PTPRG: variants seen among roughly 807,000 people sequenced by gnomAD.
PTPRG encodes protein tyrosine phosphatase receptor type G, also known as receptor-type tyrosine-protein phosphatase gamma.
A neutral mutation model predicts 165.3 loss-of-function variants in PTPRG; 102 were observed. The ratio of observed to expected loss-of-function variants is 0.62; its 90% CI spans 0.53 to 0.73. The LOEUF (loss-of-function observed/expected upper bound fraction) is 0.73. PTPRG is among the 30% of genes least tolerant of loss of function. PTPRG has a pLI of 0.00. For synonymous variants in PTPRG, 675 were observed against 669.5 expected (o/e 1.01, Z -0.13); for missense variants, 1,866 against 1,861.4 (o/e 1.00, Z -0.05).
chr3:61,785,732 C>A (rs1364914236), intron 2 of PTPRG, among the ~76,000 whole-genome samples: 3 of 152,100 alleles, frequency 2.0e-5, no homozygotes, highest in Non-Finnish European at 4.4e-5. Context: ...AGTATAAAAT[C>A]TTTATATACA....
At chr3:62,090,840 G>C (rs1461672607) in intron 5 of PTPRG, among the ~76,000 whole-genome samples, 2 of 152,152 alleles carry the variant, frequency 1.3e-5, no homozygotes, top group African/African-American at 4.8e-5. Flanking sequence ...ATCCATGTCT[G>C]AGGTGTTGGA....
At chr3:62,152,128 G>A (rs1047092344) in intron 6 of PTPRG, among the ~76,000 whole-genome samples, 4 of 152,102 alleles carry the variant, frequency 2.6e-5, no homozygotes, top group Admixed American at 1.3e-4. Flanking sequence ...CACTTTGGGA[G>A]GCTGGGGCTG....
chr3:62,060,211 CAAAAAA>C (rs3068431), intron 4 of PTPRG, among the ~76,000 whole-genome samples: 34 of 131,448 alleles, frequency 2.6e-4, no homozygotes, highest in Non-Finnish European at 2.7e-4. Context: ...GACCCTGTCT[CAAAAAA>C]AAAAAAAAAA....
At chr3:61,748,464 T>C (rs1460557935) in intron 1 of PTPRG, among the ~76,000 whole-genome samples, 1 of 152,206 alleles carries the variant, frequency 6.6e-6, no homozygotes, top group East Asian at 1.9e-4. Flanking sequence ...ATACATGCAG[T>C]TGGAACCGAA....
At chr3:62,025,476 A>C (rs2107769750) in intron 4 of PTPRG, among the ~76,000 whole-genome samples, 2 of 152,108 alleles carry the variant, frequency 1.3e-5, no homozygotes, top group Middle Eastern at 6.8e-3. Context: ...TACTTTTCTT[A>C]TTTTACAGTA....
At chr3:62,079,061 A>T (rs185000279) in intron 5 of PTPRG, among the ~76,000 whole-genome samples, 1 of 152,240 alleles carries the variant, frequency 6.6e-6, no homozygotes, top group Non-Finnish European at 1.5e-5. Flanking sequence ...TTGGAAAATG[A>T]AGTCTTTTTG....
chr3:61,716,684 A>G (rs979157378), intron 1 of PTPRG, among the ~76,000 whole-genome samples: 1 of 152,152 alleles, frequency 6.6e-6, no homozygotes, highest in Non-Finnish European at 1.5e-5. Flanking sequence ...TTTAAATAAA[A>G]ACTCCCAGCT....
chr3:62,146,121 G>A (rs898709902), intron 6 of PTPRG, among the ~76,000 whole-genome samples: 1 of 152,160 alleles, frequency 6.6e-6, no homozygotes, highest in African/African-American at 2.4e-5. Context: ...TTTTGTCACT[G>A]TATGACTCTA....
chr3:62,158,980 A>G (rs1191219451), intron 7 of PTPRG, among the ~76,000 whole-genome samples: 1 of 151,488 alleles, frequency 6.6e-6, no homozygotes, highest in Non-Finnish European at 1.5e-5. Flanking sequence ...GGTGGAAGGA[A>G]TTTTTTTTTC....
At chr3:62,000,057 C>G (rs982635640) in intron 3 of PTPRG, among the ~76,000 whole-genome samples, 1 of 152,082 alleles carries the variant, frequency 6.6e-6, no homozygotes, top group Non-Finnish European at 1.5e-5. Flanking sequence ...AATCTCGACA[C>G]TTTGGGAGGC....
At chr3:61,641,606 T>C (rs934710028) in intron 1 of PTPRG, among the ~76,000 whole-genome samples, 4 of 152,236 alleles carry the variant, frequency 2.6e-5, no homozygotes, top group African/African-American at 9.6e-5. Context: ...TTTTGTGTTT[T>C]GTCCCACTAC....
At position 62,234,574 on chromosome 3, in the gene PTPRG, A is replaced by G. The variant is rs548788491; in HGVS notation, c.2375+3263A>G. On this transcript the variant is annotated intron_variant, in intron 14 of 29. Coordinates refer to ENST00000474889, the MANE Select transcript of PTPRG (RefSeq NM_002841.4). Reference sequence around the variant, plus strand: ...GTGTGATTTTAATGTATTATCTCTTACTATAAGTGGGATTGAACCATTTGT... The same window carrying G: ...GTGTGATTTTAATGTATTATCTCTTGCTATAAGTGGGATTGAACCATTTGT... 2.6e-5 allele frequency among the ~76,000 whole-genome samples: 4 copies of G among 151,994 alleles called. No homozygotes were observed. In the East Asian group the frequency reaches 7.7e-4, roughly 29 times the overall value.
At position 62,296,317 on chromosome 3, in the gene PTPRG, T is replaced by C. The variant is rs1703061039; in HGVS notation, c.*3010T>C. ...AAGAAGGGTTACGGTGTTCAAGTTCTGGTTGTTGGAGTTTTTAGCCCAGAG... is the reference window on the plus strand; with the variant it reads ...AAGAAGGGTTACGGTGTTCAAGTTCCGGTTGTTGGAGTTTTTAGCCCAGAG... On this transcript the variant is annotated 3_prime_UTR_variant, in exon 30 of 30. Coordinates refer to ENST00000474889, the MANE Select transcript of PTPRG (RefSeq NM_002841.4). 2 of 152,044 alleles carry C rather than the reference T, an allele frequency of 1.3e-5. No individual in the cohort carries two copies. The highest frequency in any genetic ancestry group is 4.8e-5 in the African/African-American group (2 of 41,420). 9.4% of individuals were successfully genotyped at this position (152,044 alleles called of 1,614,324 possible).
intron 5 of PTPRG, among the ~76,000 whole-genome samples, chr3:62,112,174 C>T (rs1249325837): frequency 6.6e-6 from 1 of 151,938 alleles, no homozygotes; most frequent in Non-Finnish European, 1.5e-5. Flanking sequence ...GATCTTGGCT[C>T]ACTGACTGCA....
chr3:62,264,359 A>G (rs147795582), intron 17 of PTPRG, among the ~76,000 whole-genome samples: 5 of 152,174 alleles, frequency 3.3e-5, no homozygotes, highest in Middle Eastern at 3.4e-3. Flanking sequence ...GGGTTTTAGT[A>G]TATTCACGGA....
intron 4 of PTPRG, among the ~76,000 whole-genome samples, chr3:62,074,352 C>CTTTTCTTTCTTTCTT (rs1701311462): frequency 9.2e-6 from 1 of 109,114 alleles, no homozygotes; most frequent in African/African-American, 3.8e-5. Flanking sequence ...TCTTTTCTTT[C>CTTTTCTTTCTTTCTT]TTTTTTTTTT....
intron 2 of PTPRG, among the ~76,000 whole-genome samples, chr3:61,804,851 T>A (rs1310439462): frequency 2.6e-5 from 4 of 152,178 alleles, no homozygotes; most frequent in Non-Finnish European, 1.5e-5. Context: ...AAGCATAGGA[T>A]TTTTCCCCTT....
rs139939734 is a variant in PTPRG at position 61,866,040 on chromosome 3, C to T, written c.190+117058C>T. 6.1e-4 allele frequency among the ~76,000 whole-genome samples: 93 copies of T among 152,134 alleles called. 1 individual carries two copies. In the East Asian group the frequency reaches 7.0e-3, roughly 11 times the overall value. ...ATCTTTAACTCCTTTGAAGGGCCAGCGTGAGGATACTGGGAAGGTTCCTGT... is the reference window on the plus strand; with the variant it reads ...ATCTTTAACTCCTTTGAAGGGCCAGTGTGAGGATACTGGGAAGGTTCCTGT... On this transcript the variant is annotated intron_variant, in intron 2 of 29. Coordinates refer to ENST00000474889, the MANE Select transcript of PTPRG (RefSeq NM_002841.4).
At chr3:61,718,654 G>A (rs2031922401) in intron 1 of PTPRG, among the ~76,000 whole-genome samples, 1 of 152,200 alleles carries the variant, frequency 6.6e-6, no homozygotes, top group Non-Finnish European at 1.5e-5. Context: ...CATCTTCTGT[G>A]CTACTGTAAC....
Sources: gnomAD v4.1 joint callset for allele counts (sites outside exome capture counted in the v4.1 genomes callset) on GRCh38, gnomAD v4.1.1 for gene constraint, MANE v1.5 for transcripts, NCBI Gene and HGNC (gene_info 2026-07-23, HGNC 2026-07-21) for gene names.